The following GRID1 variants were observed in gnomAD, a reference collection of about 807,000 sequenced individuals.
GRID1 encodes glutamate ionotropic receptor delta type subunit 1, also known as glutamate receptor ionotropic, delta-1.
GRID1 carries 28 observed loss-of-function variants against 98.0 expected under a neutral mutation model. That is an observed-to-expected ratio of 0.29 (90% CI 0.21 to 0.39). GRID1 has a LOEUF of 0.39. GRID1 is among the 10% of genes least tolerant of loss of function. GRID1 has a pLI of 1.00. For synonymous variants in GRID1, 553 were observed against 538.5 expected (o/e 1.03, Z -0.37); for missense variants, 1,111 against 1,340.5 (o/e 0.83, Z 2.67).
At chr10:85,670,516 AAT>A (rs1841073030) in intron 12 of GRID1, among the ~76,000 whole-genome samples, 1 of 152,200 alleles carries the variant, frequency 6.6e-6, no homozygotes, top group South Asian at 2.1e-4. Context: ...AGAAGTTTAA[AAT>A]GGCACCTAGA....
At chr10:85,829,832 T>C (rs932994292) in intron 8 of GRID1, among the ~76,000 whole-genome samples, 1 of 152,102 alleles carries the variant, frequency 6.6e-6, no homozygotes. Flanking sequence ...TATCCTATGC[T>C]CATAGATAGG....
chr10:86,177,497 T>A (rs1023195678), intron 3 of GRID1, among the ~76,000 whole-genome samples: 1 of 151,870 alleles, frequency 6.6e-6, no homozygotes, highest in East Asian at 1.9e-4. Context: ...TGTGCATGCA[T>A]GTGTGCATGA....
At chr10:86,091,673 C>T (rs1477883534) in intron 4 of GRID1, among the ~76,000 whole-genome samples, 1 of 152,116 alleles carries the variant, frequency 6.6e-6, no homozygotes, top group Non-Finnish European at 1.5e-5. Context: ...TGGCAGGAGA[C>T]CAACCAGCAC....
At chr10:86,066,681 A>C (rs1843724461) in intron 4 of GRID1, among the ~76,000 whole-genome samples, 1 of 152,220 alleles carries the variant, frequency 6.6e-6, no homozygotes, top group South Asian at 2.1e-4. Flanking sequence ...ATGCTCAGCA[A>C]ATGATAACTC....
intron 12 of GRID1, among the ~76,000 whole-genome samples, chr10:85,721,660 C>G (rs1230231248): frequency 6.6e-6 from 1 of 152,042 alleles, no homozygotes; most frequent in Non-Finnish European, 1.5e-5. Flanking sequence ...AGATGGAGTA[C>G]AATTAATGGT....
intron 4 of GRID1, among the ~76,000 whole-genome samples, chr10:86,023,002 G>A (rs1286899957): frequency 6.6e-6 from 1 of 151,852 alleles, no homozygotes; most frequent in Admixed American, 6.6e-5. Flanking sequence ...AGGGTCATAT[G>A]TTGGGGGGCC....
At chr10:85,917,123 A>C (rs917415994) in intron 4 of GRID1, among the ~76,000 whole-genome samples, 9 of 152,208 alleles carry the variant, frequency 5.9e-5, no homozygotes, top group African/African-American at 2.2e-4. Flanking sequence ...AGATTGGAAG[A>C]ATTGGAAGAG....
chr10:85,925,621 G>A (rs535844541), intron 4 of GRID1, among the ~76,000 whole-genome samples: 1 of 152,294 alleles, frequency 6.6e-6, no homozygotes, highest in Non-Finnish European at 1.5e-5. Flanking sequence ...CCCTCATACT[G>A]GAGCTTGAGA....
intron 4 of GRID1, among the ~76,000 whole-genome samples, chr10:86,082,818 T>A (rs1294663514): frequency 2.6e-5 from 4 of 152,206 alleles, no homozygotes; most frequent in Non-Finnish European, 5.9e-5. Flanking sequence ...GCCTGCACTG[T>A]CCTGCCCCCT....
intron 8 of GRID1, among the ~76,000 whole-genome samples, chr10:85,763,482 T>C (rs899251447): frequency 1.3e-5 from 2 of 152,226 alleles, no homozygotes; most frequent in African/African-American, 4.8e-5. Context: ...ATGCAACTTA[T>C]CTCAGGAAAT....
intron 3 of GRID1, among the ~76,000 whole-genome samples, chr10:86,143,198 G>A (rs1329051566): frequency 6.6e-6 from 1 of 152,184 alleles, no homozygotes; most frequent in East Asian, 1.9e-4. Context: ...TCAACTCTCA[G>A]CCTCCTTTCC....
chr10:85,688,737 T>C (rs1841297684), intron 12 of GRID1, among the ~76,000 whole-genome samples: 1 of 152,278 alleles, frequency 6.6e-6, no homozygotes. Context: ...TAATGAATAA[T>C]GTTGGTAGAA....
chr10:86,197,344 C>A (rs1845890097), intron 3 of GRID1, among the ~76,000 whole-genome samples: 1 of 152,042 alleles, frequency 6.6e-6, no homozygotes, highest in African/African-American at 2.4e-5. Flanking sequence ...CAGCAAGGAG[C>A]CGGAGCTGGA....
chr10:86,348,483 C>T lies in GRID1; in HGVS notation c.235+15458G>A, dbSNP rs543379080. Among the ~76,000 whole-genome samples the T allele has an allele frequency of 3.3e-5, 5 of 152,332 alleles. No individual in the cohort carries two copies. The South Asian group carries it at 6.2e-4, about 19-fold the overall frequency. ...GGAGAGAGCAGACTGGATGCCAGGC[C>T]AGAGGCCAGACCACGAGGACTTGAA... On this transcript the variant is annotated intron_variant, in intron 2 of 15. Transcript: ENST00000327946.
intron 4 of GRID1, among the ~76,000 whole-genome samples, chr10:86,002,576 C>A (rs1472775565): frequency 6.6e-6 from 1 of 152,154 alleles, no homozygotes; most frequent in Non-Finnish European, 1.5e-5. Context: ...GGTTACTGGG[C>A]CTGGGAGGAG....
At chr10:86,103,565 A>C (rs1361946597) in intron 4 of GRID1, among the ~76,000 whole-genome samples, 2 of 152,236 alleles carry the variant, frequency 1.3e-5, no homozygotes, top group Admixed American at 6.5e-5. Flanking sequence ...ACAAGCAGTG[A>C]AACTGCAGAC....
chr10:85,662,603 C>A (rs1264183302), intron 12 of GRID1, among the ~76,000 whole-genome samples: 1 of 152,220 alleles, frequency 6.6e-6, no homozygotes, highest in Non-Finnish European at 1.5e-5. Flanking sequence ...TCCTTCCAAA[C>A]CATAGGGCTC....
intron 12 of GRID1, among the ~76,000 whole-genome samples, chr10:85,689,558 T>C (rs1248338429): frequency 6.6e-6 from 1 of 151,498 alleles, no homozygotes; most frequent in African/African-American, 2.4e-5. Flanking sequence ...CTATAGTAAA[T>C]ATTATTAAAC....
intron 5 of GRID1, among the ~76,000 whole-genome samples, chr10:85,872,976 A>G (rs992138249): frequency 6.6e-5 from 10 of 152,194 alleles, no homozygotes; most frequent in Non-Finnish European, 1.2e-4. Context: ...CCTTGGGGTC[A>G]ATTAAAAAGG....
Sources: gnomAD v4.1 joint callset for allele counts (sites outside exome capture counted in the v4.1 genomes callset) on GRCh38, gnomAD v4.1.1 for gene constraint, MANE v1.5 for transcripts, NCBI Gene and HGNC (gene_info 2026-07-23, HGNC 2026-07-21) for gene names.